The following SLC2A13 variants were observed in gnomAD, a reference collection of about 807,000 sequenced individuals.
SLC2A13 encodes proton myo-inositol cotransporter.
A neutral mutation model predicts 64.4 loss-of-function variants in SLC2A13; 32 were observed. The ratio of observed to expected loss-of-function variants is 0.50; its 90% confidence interval spans 0.37 to 0.67. The LOEUF (loss-of-function observed/expected upper bound fraction) is 0.67, where lower values mean the gene tolerates loss of function less well. SLC2A13 is among the 30% of genes least tolerant of loss of function. The pLI, the probability that SLC2A13 is intolerant of heterozygous loss-of-function variation, is 0.00. For synonymous variants in SLC2A13, 338 were observed against 327.1 expected (o/e 1.03, Z -0.36); for missense variants, 743 against 829.2 (o/e 0.90, Z 1.28).
At chr12:39,991,628 G>A (rs1947139981) in intron 3 of SLC2A13, among the ~76,000 whole-genome samples, 2 of 152,122 alleles carry the variant, frequency 1.3e-5, no homozygotes, top group African/African-American at 4.8e-5. Flanking sequence ...CTACTTACCA[G>A]CCCCTTTGTC....
At chr12:39,833,975 C>G (rs767136386) in intron 6 of SLC2A13, among the ~76,000 whole-genome samples, 4 of 151,568 alleles carry the variant, frequency 2.6e-5, no homozygotes, top group South Asian at 2.1e-4. Flanking sequence ...GGTTCCTTCT[C>G]TATATCCAGA....
At chr12:40,016,146 T>C (rs917616580) in intron 3 of SLC2A13, among the ~76,000 whole-genome samples, 10 of 152,132 alleles carry the variant, frequency 6.6e-5, no homozygotes, top group Admixed American at 3.3e-4. Flanking sequence ...ACAGCCATGA[T>C]TCCATGTAAG....
chr12:39,771,195 C>A (rs976871692), intron 7 of SLC2A13, among the ~76,000 whole-genome samples: 15 of 152,072 alleles, frequency 9.9e-5, no homozygotes, highest in Admixed American at 5.2e-4. Context: ...TCTAGAGTAA[C>A]CCTGATGGTT....
rs899396908 is a variant in SLC2A13 at position 39,895,667 on chromosome 12, T to C, written c.1035-23706A>G. On this transcript the variant is annotated intron_variant, in intron 4 of 9. Coordinates refer to ENST00000280871, the MANE Select transcript of SLC2A13 (RefSeq NM_052885.4). ...GTGTATACGTACACACATATGTATA[T>C]GCGTGTATACGTACACACATATGTA... 5.4e-5 allele frequency among the ~76,000 whole-genome samples: 8 copies of C among 148,836 alleles called. 2 individuals carry two copies. The highest frequency in any genetic ancestry group is 2.0e-4 in the African/African-American group (8 of 40,562).
At chr12:39,900,777 A>C (rs1238061566) in intron 4 of SLC2A13, among the ~76,000 whole-genome samples, 1 of 152,236 alleles carries the variant, frequency 6.6e-6, no homozygotes, top group Non-Finnish European at 1.5e-5. Context: ...GGTAATTTAT[A>C]GATTCAATGC....
intron 1 of SLC2A13, among the ~76,000 whole-genome samples, chr12:40,073,333 G>T (rs892829783): frequency 6.6e-6 from 1 of 151,980 alleles, no homozygotes; most frequent in African/African-American, 2.4e-5. Context: ...AAAAAATACT[G>T]GGGGGAAATG....
intron 1 of SLC2A13, among the ~76,000 whole-genome samples, chr12:40,059,205 A>T (rs1445598780): frequency 6.6e-6 from 1 of 152,186 alleles, no homozygotes; most frequent in Non-Finnish European, 1.5e-5. Context: ...CCATTGTCTT[A>T]TCCCTTTTTA....
At chr12:39,895,026 C>A (rs754952478) in intron 4 of SLC2A13, among the ~76,000 whole-genome samples, 1 of 152,108 alleles carries the variant, frequency 6.6e-6, no homozygotes, top group Non-Finnish European at 1.5e-5. Flanking sequence ...AGAATCATAA[C>A]CAACGGCAGT....
intron 4 of SLC2A13, among the ~76,000 whole-genome samples, chr12:39,889,815 C>T (rs548466271): frequency 6.6e-6 from 1 of 152,122 alleles, no homozygotes; most frequent in African/African-American, 2.4e-5. Flanking sequence ...CAGGTGTGAG[C>T]CACCAGGCCT....
intron 6 of SLC2A13, among the ~76,000 whole-genome samples, chr12:39,840,712 C>T (rs977128690): frequency 5.9e-5 from 9 of 151,982 alleles, no homozygotes; most frequent in Admixed American, 1.3e-4. Flanking sequence ...TATCACAAAA[C>T]GCTCATATTA....
intron 4 of SLC2A13, among the ~76,000 whole-genome samples, chr12:39,905,620 ATGC>A (rs1433879913): frequency 2.0e-5 from 3 of 152,088 alleles, no homozygotes; most frequent in Admixed American, 1.3e-4. Context: ...AGTCTTGCAA[ATGC>A]TGCTGATTTT....
At chr12:39,769,438 G>C (rs1321258189) in intron 7 of SLC2A13, among the ~76,000 whole-genome samples, 1 of 152,066 alleles carries the variant, frequency 6.6e-6, no homozygotes, top group Non-Finnish European at 1.5e-5. Flanking sequence ...TCTTTTAAAA[G>C]AATTGAAGAT....
At position 39,938,414 on chromosome 12, in the gene SLC2A13, A is replaced by C. The variant is rs76395575; in HGVS notation, c.1034+12843T>G. Among the ~76,000 whole-genome samples, 4 of 150,842 alleles carry C rather than the reference A, an allele frequency of 2.7e-5. No individual in the cohort carries two copies. In the East Asian group the frequency reaches 7.8e-4, roughly 29 times the overall value. ...ATTTAAAGAAACTTTAAAAAAAAAA[A>C]CACAACAAAAATCATTTGTTTGTGT... On this transcript the variant is annotated intron_variant, in intron 4 of 9. Transcript: ENST00000280871.
At chr12:39,819,955 TTATCTTTGCAGG>T (rs1269279124) in intron 7 of SLC2A13, 1 of 152,302 alleles carries the variant, frequency 6.6e-6, no homozygotes, top group East Asian at 1.9e-4. Context: ...AAAAAACTCT[TTATCTTTGCAGG>T]TATAAATGCC....
At chr12:39,879,515 G>A (rs1944288656) in intron 4 of SLC2A13, among the ~76,000 whole-genome samples, 1 of 152,232 alleles carries the variant, frequency 6.6e-6, no homozygotes, top group Non-Finnish European at 1.5e-5. Context: ...CATGCAGTCA[G>A]AGGAGATTAT....
intron 7 of SLC2A13, among the ~76,000 whole-genome samples, chr12:39,771,208 TATTTTCTG>T (rs1940559762): frequency 6.6e-6 from 1 of 152,174 alleles, no homozygotes; most frequent in African/African-American, 2.4e-5. Context: ...TGATGGTTCC[TATTTTCTG>T]ATTTTCATGC....
intron 4 of SLC2A13, among the ~76,000 whole-genome samples, chr12:39,934,237 C>T (rs1362690385): frequency 2.0e-5 from 3 of 152,218 alleles, no homozygotes; most frequent in Non-Finnish European, 4.4e-5. Flanking sequence ...ATGTCCATAG[C>T]TGTTGACATA....
intron 4 of SLC2A13, among the ~76,000 whole-genome samples, chr12:39,896,959 C>G (rs1348438513): frequency 6.6e-6 from 1 of 152,086 alleles, no homozygotes; most frequent in African/African-American, 2.4e-5. Flanking sequence ...TATGGCTTCA[C>G]TTCTCTAACT....
At chr12:39,976,117 C>T (rs533104875) in intron 3 of SLC2A13, among the ~76,000 whole-genome samples, 2 of 152,312 alleles carry the variant, frequency 1.3e-5, no homozygotes, top group Admixed American at 6.5e-5. Flanking sequence ...AGACAGCCCA[C>T]CCTTAGATAA....
Sources: gnomAD v4.1 joint callset for allele counts (sites outside exome capture counted in the v4.1 genomes callset) on GRCh38, gnomAD v4.1.1 for gene constraint, MANE v1.5 for transcripts, NCBI Gene and HGNC (gene_info 2026-07-23, HGNC 2026-07-21) for gene names.